The following SNX24 variants were observed in gnomAD, a reference collection of about 807,000 sequenced individuals.
SNX24 encodes the protein sorting nexin-24.
Under a neutral mutation model 28.7 loss-of-function variants are expected in SNX24, and 22 were observed. That is an observed-to-expected ratio of 0.77 (90% CI 0.55 to 1.10). SNX24 has a LOEUF of 1.10. SNX24 is among the 50% of genes least tolerant of loss of function. SNX24 has a pLI of 0.00. For synonymous variants in SNX24, 69 were observed against 71.5 expected (o/e 0.96, Z 0.18); for missense variants, 221 against 201.1 (o/e 1.10, Z -0.60).
At chr5:122,917,310 T>A (rs1200508487) in intron 1 of SNX24, among the ~76,000 whole-genome samples, 1 of 151,948 alleles carries the variant, frequency 6.6e-6, no homozygotes, top group Non-Finnish European at 1.5e-5. Context: ...CTCTCCTTGC[T>A]TCTGAAATGC....
chr5:123,003,052 C>T (rs1441066399), intron 6 of SNX24, among the ~76,000 whole-genome samples: 1 of 152,138 alleles, frequency 6.6e-6, no homozygotes, highest in Admixed American at 6.6e-5. Context: ...CTGGGAGTCA[C>T]TAAATAGTAA....
rs951169050 is a variant in SNX24 at position 123,008,855 on chromosome 5, G to A, written c.*1106G>A. ...ATCCTTTGAGTAGTAAAGGATAAAA[G>A]CATATATACTACCTATATGTATGTG... On this transcript the variant is annotated 3_prime_UTR_variant, in exon 7 of 7. Transcript: ENST00000261369. 1 of 980,048 alleles carries A rather than the reference G, an allele frequency of 1.0e-6. No homozygotes were observed. The highest frequency in any genetic ancestry group is 1.8e-5 in the African/African-American group (1 of 57,108). The allele number at this position is 980,048 out of a possible 1,614,324, so 60.7% of individuals were successfully genotyped here.
chr5:122,896,643 C>T (rs1303121202), intron 1 of SNX24, among the ~76,000 whole-genome samples: 1 of 152,176 alleles, frequency 6.6e-6, no homozygotes, highest in Non-Finnish European at 1.5e-5. Context: ...GAATTTATTT[C>T]TCTCCATGGC....
intron 1 of SNX24, among the ~76,000 whole-genome samples, chr5:122,897,186 T>G (rs996052002): frequency 6.6e-6 from 1 of 152,192 alleles, no homozygotes; most frequent in African/African-American, 2.4e-5. Flanking sequence ...AGTATGCCAG[T>G]AGGTGTCACT....
intron 3 of SNX24, among the ~76,000 whole-genome samples, chr5:122,974,604 G>A (rs1031927018): frequency 2.6e-5 from 4 of 152,244 alleles, no homozygotes; most frequent in Non-Finnish European, 5.9e-5. Context: ...TGGTACAGCA[G>A]CTGCAGTTGG....
At position 122,964,247 on chromosome 5, in the gene SNX24, C is replaced by CAAAAA. The variant is rs34174497; in HGVS notation, c.249+18109_249+18113dup. Among the ~76,000 whole-genome samples, 173 of 36,468 alleles carry CAAAAA rather than the reference C, an allele frequency of 4.7e-3. 3 individuals carry two copies. The highest frequency in any genetic ancestry group is 6.6e-3 in the Non-Finnish European group (126 of 19,108). The allele number at this position is 36,468 out of a possible 152,430, so 23.9% of individuals were successfully genotyped here. A position where few individuals can be genotyped will look rare whatever the true frequency, so the allele number is the denominator to read the frequency against. ...GGGCGACAAGAACAAGACTCCATCT[C>CAAAAA]AAAAAAAAAAAAAAAAAAAAAAAAA... On this transcript the variant is annotated intron_variant, in intron 3 of 6. Transcript: ENST00000261369.
intron 5 of SNX24, chr5:123,024,121 G>A (rs1485394772): frequency 7.7e-6 from 10 of 1,295,698 alleles, no homozygotes; most frequent in Non-Finnish European, 1.0e-5. Flanking sequence ...TTGGTTGGTT[G>A]GTTGGTTTTT....
At chr5:122,913,345 G>A (rs1426568702) in intron 1 of SNX24, among the ~76,000 whole-genome samples, 2 of 151,122 alleles carry the variant, frequency 1.3e-5, no homozygotes, top group Non-Finnish European at 3.0e-5. Flanking sequence ...CCGGGCGGGG[G>A]CTGACCCCCC....
At chr5:122,924,018 G>C (rs1322034411) in intron 1 of SNX24, among the ~76,000 whole-genome samples, 1 of 152,178 alleles carries the variant, frequency 6.6e-6, no homozygotes, top group Non-Finnish European at 1.5e-5. Context: ...TTGAAGAAAT[G>C]ATGGCTATTA....
intron 1 of SNX24, among the ~76,000 whole-genome samples, chr5:122,910,846 A>T (rs1413646216): frequency 6.6e-6 from 1 of 151,666 alleles, no homozygotes; most frequent in African/African-American, 2.4e-5. Flanking sequence ...TATGTGCCAC[A>T]TTTTCTTAAT....
intron 1 of SNX24, among the ~76,000 whole-genome samples, chr5:122,866,998 A>G (rs1386220134): frequency 1.3e-5 from 2 of 152,176 alleles, no homozygotes; most frequent in Non-Finnish European, 2.9e-5. Context: ...GAGTGGTGCT[A>G]TTCCCATTTC....
At chr5:122,947,013 C>T (rs763304604) in intron 3 of SNX24, among the ~76,000 whole-genome samples, 1 of 152,174 alleles carries the variant, frequency 6.6e-6, no homozygotes, top group African/African-American at 2.4e-5. Flanking sequence ...CCCTCCCTGG[C>T]ACCACTGGAG....
At chr5:123,004,362 A>G (rs920377536) in intron 6 of SNX24, among the ~76,000 whole-genome samples, 1 of 152,046 alleles carries the variant, frequency 6.6e-6, no homozygotes, top group Non-Finnish European at 1.5e-5. Context: ...GCCCATGGAT[A>G]TTTTTCAGTC....
intron 3 of SNX24, among the ~76,000 whole-genome samples, chr5:122,955,040 A>G (rs1760143479): frequency 6.6e-6 from 1 of 151,646 alleles, no homozygotes; most frequent in African/African-American, 2.4e-5. Context: ...CAGGGACCTG[A>G]GACCTTATTC....
chr5:122,859,259 C>CAGTTG (rs1230825273), intron 1 of SNX24, among the ~76,000 whole-genome samples: 2 of 151,764 alleles, frequency 1.3e-5, no homozygotes, highest in African/African-American at 4.8e-5. Flanking sequence ...AGACTTGAGC[C>CAGTTG]CAGGAGTTGG....
rs1194965513 is a variant in SNX24 at position 122,891,172 on chromosome 5, G to A, written c.60+45479G>A. 3 of 1,401,130 alleles carry A rather than the reference G, an allele frequency of 2.1e-6. No individual in the cohort carries two copies. In the East Asian group the frequency reaches 8.2e-5, roughly 38 times the overall value. The allele number at this position is 1,401,130 out of a possible 1,614,324, so 86.8% of individuals were successfully genotyped here. A position where few individuals can be genotyped will look rare whatever the true frequency, so the allele number is the denominator to read the frequency against. ...TTTACCTAGTGTTTTTTTGTTTTTT[G>A]TTTTTTTTCCTAAGTAGTTTATTTT... On this transcript the variant is annotated intron_variant, in intron 1 of 6. Coordinates refer to ENST00000261369, the MANE Select transcript of SNX24 (RefSeq NM_014035.4).
intron 6 of SNX24, among the ~76,000 whole-genome samples, chr5:123,006,180 T>C (rs1466155271): frequency 6.6e-6 from 1 of 152,178 alleles, no homozygotes; most frequent in Non-Finnish European, 1.5e-5. Context: ...CCACATTCTA[T>C]CACTTACTTG....
At chr5:122,857,141 A>G (rs1051530725) in intron 1 of SNX24, among the ~76,000 whole-genome samples, 1 of 151,872 alleles carries the variant, frequency 6.6e-6, no homozygotes, top group African/African-American at 2.4e-5. Flanking sequence ...CCTCCCAAGT[A>G]GCTGAGATTA....
intron 1 of SNX24, among the ~76,000 whole-genome samples, chr5:122,848,077 CTT>C (rs1037093810): frequency 6.6e-6 from 1 of 151,892 alleles, no homozygotes; most frequent in African/African-American, 2.4e-5. Context: ...TAAAAAATAT[CTT>C]TTTACTTTAG....
Sources: gnomAD v4.1 joint callset for allele counts (sites outside exome capture counted in the v4.1 genomes callset) on GRCh38, gnomAD v4.1.1 for gene constraint, MANE v1.5 for transcripts, NCBI Gene and HGNC (gene_info 2026-07-23, HGNC 2026-07-21) for gene names.